The following ZNF541 variants were observed in gnomAD, a reference collection of about 807,000 sequenced individuals.
The protein encoded by ZNF541 is zinc finger protein 541.
In ZNF541, 23 loss-of-function variants were observed where a neutral mutation model predicts 123.5. That is an observed-to-expected ratio of 0.19 (90% CI 0.13 to 0.26). The LOEUF (loss-of-function observed/expected upper bound fraction) is 0.26, where lower values mean the gene tolerates loss of function less well. ZNF541 is among the 10% of genes least tolerant of loss of function. ZNF541 has a pLI of 1.00. For synonymous variants in ZNF541, 751 were observed against 754.5 expected, an observed-to-expected ratio of 1.00 and a Z score of 0.08; for missense variants, 1,612 against 1,789.9, an observed-to-expected ratio of 0.90 and a Z score of 1.79.
In ZNF541 at chr19:47,532,967, C is replaced by T. The variant is rs1453862740; in HGVS notation, c.3100G>A (p.Val1034Met). 6.5e-7 allele frequency: 1 copy of T among 1,549,558 alleles called. No individual in the cohort carries two copies. The highest frequency in any genetic ancestry group is 1.4e-5 in the African/African-American group (1 of 72,986). Residue 1034 changes from valine to methionine, a missense_variant, in exon 10 of 17, where the codon GTG becomes ATG. Coordinates refer to ENST00000391901, the MANE Select transcript of ZNF541 (RefSeq NM_001277075.3). ...DQLISSMLDQ[V>M]DGSFGICVVK... ...ACACAGATGCCAAAGGACCCATCCA[C>T]TTGATCTAGAAAGCACAGAGTGAAA...
In ZNF541 at chr19:47,544,700, G is replaced by C. The variant is rs1390323914; in HGVS notation, c.1829C>G (p.Ser610Cys). The C allele has an allele frequency of 4.6e-6, 7 of 1,517,396 alleles. No individual in the cohort carries two copies. Among genetic ancestry groups the C allele is most frequent in the South Asian group, 1.3e-5 (1 of 79,802 alleles). 94.0% of individuals were successfully genotyped at this position (1,517,396 alleles called of 1,614,324 possible). Residue 610 changes from serine (S) to cysteine (C), a missense_variant, in exon 5 of 17, where the codon TCT becomes TGT. Around this residue, in one of 5 missense-constraint regions of ZNF541, gnomAD observed 1,080 missense variants for 1,013.8 expected, o/e 1.07. Coordinates refer to ENST00000391901, the MANE Select transcript of ZNF541 (RefSeq NM_001277075.3). ...QPPPLAPAVD[S>C]LHAGPGNPEA... ...GGGGTTTCCAGGGCCGGCGTGGAGA[G>C]AGTCCACAGCAGGAGCCAGTGGTGG...
At chr19:47,531,477 A>G (rs1388248514) in intron 12 of ZNF541, among the ~76,000 whole-genome samples, 165 bp downstream of exon 12, 1 of 151,970 alleles carries the variant, frequency 6.6e-6, no homozygotes, top group African/African-American at 2.4e-5. Context: ...ATTCCCCTAC[A>G]GTCCGTGCAC....
chr19:47,547,802 G>A (rs141091907), intron 4 of ZNF541, among the ~76,000 whole-genome samples: 1 of 152,056 alleles, frequency 6.6e-6, no homozygotes, highest in Non-Finnish European at 1.5e-5. Flanking sequence ...GACATTAAGC[G>A]GTGGCTCACA....
chr19:47,542,142 A>G (rs1970106369), intron 5 of ZNF541, among the ~76,000 whole-genome samples: 1 of 152,152 alleles, frequency 6.6e-6, no homozygotes, highest in African/African-American at 2.4e-5. Context: ...AATGCCACAG[A>G]GTGCATGATT....
chr19:47,539,764 C>T lies in ZNF541; in HGVS notation c.2737G>A (p.Val913Met). 1.4e-6 allele frequency: 2 copies of T among 1,471,568 alleles called. No homozygotes were observed. The highest frequency in any genetic ancestry group is 1.8e-6 in the Non-Finnish European group (2 of 1,118,550). 91.2% of individuals were successfully genotyped at this position (1,471,568 alleles called of 1,614,324 possible). A position where few individuals can be genotyped will look rare whatever the true frequency, so the allele number is the denominator to read the frequency against. Reference sequence around the variant, plus strand: ...ACCACGGGGATCGATTGGGGGACCACCAAAGGGGCTGCAGCTGTGGGGTCC... The same window carrying T: ...ACCACGGGGATCGATTGGGGGACCATCAAAGGGGCTGCAGCTGTGGGGTCC... ...PLDPTAAAPL[V>M]VPQSIPVVPV... The change falls in exon 8 of 17, where the codon GTG (valine) becomes ATG (methionine). Residue 913 changes from valine (V) to methionine (M), a missense_variant. Physicochemically the swap from Val to Met is conservative, Grantham distance 21 (BLOSUM62 1). Coordinates refer to ENST00000391901, the MANE Select transcript of ZNF541 (RefSeq NM_001277075.3).
chr19:47,566,726 C>T (rs1422694734), intron 2 of ZNF541, among the ~76,000 whole-genome samples: 2 of 146,670 alleles, frequency 1.4e-5, no homozygotes, highest in Non-Finnish European at 3.0e-5. Context: ...ATCCTGGTGA[C>T]AAAGCCAGAC....
Position 47,544,360 on chromosome 19 carries a change from G to A in ZNF541, c.2169C>T (p.Gly723=), listed in dbSNP as rs755908978. 10 of 1,551,552 alleles carry A rather than the reference G, an allele frequency of 6.4e-6. No homozygotes were observed. Among genetic ancestry groups the A allele is most frequent in the Non-Finnish European group, 7.8e-6 (9 of 1,147,008 alleles). The part of the protein sequence containing the change: ...LPGKQAPAEN[G]AASRITKGEK... ...CACCTTTTGTGATCCTTGAAGCCGC[G>A]CCATTCTCGGCTGGGGCCTGCTTCC... Residue 723 remains glycine (G), a synonymous_variant, in exon 5 of 17, where the codon GGC becomes GGT. Coordinates refer to ENST00000391901, the MANE Select transcript of ZNF541 (RefSeq NM_001277075.3).
rs1969033203 is a variant in ZNF541 at position 47,521,614 on chromosome 19, G to T, written c.3752C>A (p.Thr1251Asn). Reference protein sequence around the residue: ...SPRERPSHHPTPKLKTKSYRR... With the variant: ...SPRERPSHHPNPKLKTKSYRR... ...ATAACTCTTGGTCTTTAACTTGGGA[G>T]TTGGATGGTGGCTGGGTCTCTCCCG... Residue 1251 changes from threonine (T) to asparagine (N), a missense_variant, in exon 16 of 17, where the codon ACT becomes AAT. Transcript: ENST00000391901. The surrounding 1 kb of genome is among the most constrained non-coding windows in gnomAD (Gnocchi z 4.2). 1 of 1,551,666 alleles carries T rather than the reference G, an allele frequency of 6.4e-7. No homozygotes were observed. The highest frequency in any genetic ancestry group is 1.4e-5 in the African/African-American group (1 of 73,030).
rs955276913 is a variant in ZNF541 at position 47,541,095 on chromosome 19, C to T, written c.2404-144G>A. 36 of 677,580 alleles carry T rather than the reference C, an allele frequency of 5.3e-5. 1 individual carries two copies. In the South Asian group the frequency reaches 7.6e-4, roughly 14 times the overall value. The allele number at this position is 677,580 out of a possible 1,614,324, so 42.0% of individuals were successfully genotyped here. On this transcript the variant is annotated intron_variant, in intron 5 of 16. Coordinates refer to ENST00000391901, the MANE Select transcript of ZNF541 (RefSeq NM_001277075.3). ...TGGTTTCTTAGATAAGACACCAAAGCAAAACAGACAAATTAGACTTCATCA... is the reference window on the plus strand; with the variant it reads ...TGGTTTCTTAGATAAGACACCAAAGTAAAACAGACAAATTAGACTTCATCA...
At chr19:47,551,351 C>T (rs2914001) in intron 3 of ZNF541, among the ~76,000 whole-genome samples, 55,894 of 151,460 alleles carry the variant, frequency 0.37, 15,405 homozygotes, top group African/African-American at 0.78. Flanking sequence ...GCCTTTTTAA[C>T]TTCTTATTTC....
chr19:47,543,743 C>T lies in ZNF541; in HGVS notation c.2403+383G>A, dbSNP rs370921425. Among the ~76,000 whole-genome samples the T allele has an allele frequency of 5.4e-4, 82 of 151,040 alleles. 3 individuals carry two copies. In the South Asian group the frequency reaches 0.013, roughly 24 times the overall value. On this transcript the variant is annotated intron_variant, in intron 5 of 16. Coordinates refer to ENST00000391901, the MANE Select transcript of ZNF541 (RefSeq NM_001277075.3). ...GAAACCTCCATCTTCCAGGTTCAAG[C>T]GATTCTCCCCCACCTCAGCCTCTCG...
At chr19:47,538,536 G>C in intron 8 of ZNF541, 97 bp from the exon 9 acceptor site, 1 of 1,313,552 alleles carries the variant, frequency 7.6e-7, no homozygotes, top group Non-Finnish European at 1.0e-6. Context: ...AGACCGGCCA[G>C]AGACAGGAAA....
chr19:47,532,464 A>G (rs1969619686), intron 10 of ZNF541, among the ~76,000 whole-genome samples, 194 bp from the exon 11 acceptor site: 1 of 152,032 alleles, frequency 6.6e-6, no homozygotes, highest in African/African-American at 2.4e-5. Context: ...CTGCAGGGAC[A>G]CTTCCTCCCT....
intron 13 of ZNF541, 130 bp downstream of exon 13, chr19:47,529,447 G>T (rs1969460277): frequency 1.2e-6 from 1 of 867,650 alleles, no homozygotes; most frequent in South Asian, 1.7e-5. Context: ...GACAAGGACA[G>T]GCCCTCCTGA....
rs1335310552 is a variant in ZNF541, at chr19:47,544,320, A to T, written c.2209T>A (p.Cys737Ser). The change falls in exon 5 of 17, where the codon TGC becomes AGC. Residue 737 changes from cysteine to serine, a missense_variant. By Grantham distance (112) the Cys-to-Ser change is moderately radical (BLOSUM62 -1). Transcript: ENST00000391901. ...RITKGEKGPA[C>S]SRGGGYRLLG... The stretch of plus-strand genomic sequence containing the variant: ...AGCCGGTAGCCTCCACCCCGGGAGC[A>T]GGCTGGGCCCTTTTCACCTTTTGTG... 6.4e-7 allele frequency: 1 copy of T among 1,551,638 alleles called. No individual in the cohort carries two copies. The highest frequency in any genetic ancestry group is 2.0e-5 in the Admixed American group (1 of 51,014).
chr19:47,522,002 AAG>A lies in ZNF541; in HGVS notation c.3571-10_3571-9del, dbSNP rs1450202719. The stretch of plus-strand genomic sequence containing the variant: ...TACCGTCTTTGTCTGGATCTAGTGA[AAG>A]AAAACAAGCAGGCTGTGGCTGTGCC... On this transcript the variant is annotated splice_polypyrimidine_tract_variant and intron_variant, in intron 14 of 16. Transcript: ENST00000391901. 2 of 1,551,924 alleles carry A rather than the reference AAG, an allele frequency of 1.3e-6. No homozygotes were observed. Among genetic ancestry groups the A allele is most frequent in the African/African-American group, 2.7e-5 (2 of 73,162 alleles).
At chr19:47,554,824 T>A (rs906292357) in intron 3 of ZNF541, among the ~76,000 whole-genome samples, 2 of 152,156 alleles carry the variant, frequency 1.3e-5, no homozygotes, top group Non-Finnish European at 2.9e-5. Context: ...CCGAGTGTGG[T>A]GGCTCACGCC....
At chr19:47,571,348 C>T (rs1439576926) in intron 2 of ZNF541, among the ~76,000 whole-genome samples, 1 of 152,196 alleles carries the variant, frequency 6.6e-6, no homozygotes, top group African/African-American at 2.4e-5. Flanking sequence ...TCCTCAGCCG[C>T]CTCGGCCTCC....
Position 47,545,227 on chromosome 19 carries a change from G to A in ZNF541, c.1302C>T (p.His434=). 1.3e-6 allele frequency: 2 copies of A among 1,545,578 alleles called. No homozygotes were observed. The highest frequency in any genetic ancestry group is 1.7e-6 in the Non-Finnish European group (2 of 1,145,528). Residue 434 remains histidine, a synonymous_variant, in exon 5 of 17, where the codon CAC becomes CAT. Coordinates refer to ENST00000391901, the MANE Select transcript of ZNF541 (RefSeq NM_001277075.3). The surrounding 1 kb of genome is among the most constrained non-coding windows in gnomAD (Gnocchi z 7.5). The part of the protein sequence containing the change: ...KSKGNNVFVV[H]KPSAVPSREG... Reference sequence around the variant, plus strand: ...CCCGCGAGGGCACGGCCGAGGGCTTGTGGACAACAAACACGTTGTTGCCTT... The same window carrying A: ...CCCGCGAGGGCACGGCCGAGGGCTTATGGACAACAAACACGTTGTTGCCTT...
Sources: gnomAD v4.1 joint callset for allele counts (sites outside exome capture counted in the v4.1 genomes callset) on GRCh38, gnomAD v4.1.1 for gene constraint, gnomAD v4.1.1 regional missense constraint, Gnocchi (gnomAD v3.1) non-coding constraint, MANE v1.5 for transcripts, NCBI Gene and HGNC (gene_info 2026-07-23, HGNC 2026-07-21) for gene names.